Variants in RTN4 observed in about 807,000 individuals in gnomAD.
The protein encoded by RTN4 is reticulon-4.
RTN4 carries 32 observed loss-of-function variants against 90.4 expected under a neutral mutation model. That is an observed-to-expected ratio of 0.35 (90% CI 0.27 to 0.48). RTN4 has a LOEUF of 0.48. RTN4 is among the 20% of genes least tolerant of loss of function. The probability of loss-of-function intolerance (pLI) is 0.99; values close to 1 mark genes in which losing one functional copy is unlikely to be tolerated. For missense variants in RTN4, 1,706 were observed against 1,430.2 expected, an observed-to-expected ratio of 1.19 and a Z score of -3.11; for synonymous variants, 629 against 552.5, an observed-to-expected ratio of 1.14 and a Z score of -1.94.
At chr2:55,102,826 G>A (rs1052538127) in intron 1 of RTN4, among the ~76,000 whole-genome samples, 6 of 152,058 alleles carry the variant, frequency 3.9e-5, no homozygotes, top group African/African-American at 1.2e-4. Context: ...AATCTAAGAA[G>A]TTACTATCGT....
At chr2:55,048,652 C>G (rs1460667703) in intron 1 of RTN4, among the ~76,000 whole-genome samples, 2 of 152,220 alleles carry the variant, frequency 1.3e-5, no homozygotes, top group East Asian at 3.9e-4. Context: ...CTGTCCTTGA[C>G]CTAAACGTCG....
intron 1 of RTN4, among the ~76,000 whole-genome samples, chr2:55,083,407 G>T (rs976109249): frequency 2.0e-5 from 3 of 151,914 alleles, no homozygotes; most frequent in Non-Finnish European, 2.9e-5. Context: ...GAGGCACGAG[G>T]ATTGCTTGAG....
intron 3 of RTN4, among the ~76,000 whole-genome samples, chr2:55,020,432 A>T (rs1158761357): frequency 6.6e-6 from 1 of 151,888 alleles, no homozygotes; most frequent in Non-Finnish European, 1.5e-5. Flanking sequence ...AAAAAAAAAA[A>T]TGCCAAGAAC....
intron 1 of RTN4, among the ~76,000 whole-genome samples, chr2:55,034,265 C>CT (rs1409671229): frequency 2.0e-5 from 3 of 152,112 alleles, no homozygotes; most frequent in Non-Finnish European, 2.9e-5. Context: ...CCGTAGGAGG[C>CT]TGGGGTAGGA....
chr2:55,047,934 C>A (rs773790544), intron 1 of RTN4, among the ~76,000 whole-genome samples: 17 of 151,800 alleles, frequency 1.1e-4, no homozygotes, highest in Non-Finnish European at 2.2e-4. Context: ...CCTCGCTGAA[C>A]AGGGGGAACA....
intron 3 of RTN4, among the ~76,000 whole-genome samples, chr2:54,995,369 T>C (rs1428321708): frequency 6.6e-6 from 1 of 152,134 alleles, no homozygotes. Context: ...GTGATGGTGG[T>C]TGTAGTGGTG....
At chr2:55,013,801 G>C (rs1469040108) in intron 3 of RTN4, among the ~76,000 whole-genome samples, 3 of 152,056 alleles carry the variant, frequency 2.0e-5, no homozygotes, top group African/African-American at 4.8e-5. Flanking sequence ...GAAAAACTCA[G>C]GTTTTTGTTT....
At chr2:55,005,131 T>C (rs1357093920) in intron 3 of RTN4, among the ~76,000 whole-genome samples, 1 of 152,200 alleles carries the variant, frequency 6.6e-6, no homozygotes, top group East Asian at 1.9e-4. Context: ...GGCCATGGAA[T>C]GCCTTTCAAA....
intron 1 of RTN4, among the ~76,000 whole-genome samples, chr2:55,097,070 A>G (rs1336840173): frequency 6.6e-6 from 1 of 151,842 alleles, no homozygotes; most frequent in Non-Finnish European, 1.5e-5. Flanking sequence ...TGATTTCAAT[A>G]AAGAAAAAAG....
At chr2:54,980,641 T>C (rs1377082527) in intron 5 of RTN4, among the ~76,000 whole-genome samples, 2 of 152,112 alleles carry the variant, frequency 1.3e-5, no homozygotes, top group East Asian at 3.9e-4. Context: ...AACAAGCATC[T>C]CTCCTCTCCC....
At chr2:55,099,987 A>G (rs1667824671) in intron 1 of RTN4, among the ~76,000 whole-genome samples, 1 of 152,066 alleles carries the variant, frequency 6.6e-6, no homozygotes, top group Non-Finnish European at 1.5e-5. Flanking sequence ...CATTTTATTC[A>G]TATCTAGTGA....
intron 2 of RTN4, among the ~76,000 whole-genome samples, chr2:55,078,732 T>A (rs1668649001): frequency 6.6e-6 from 1 of 152,174 alleles, no homozygotes; most frequent in African/African-American, 2.4e-5. Context: ...GTTACGTGCT[T>A]TAAAAGCGGG....
At chr2:55,046,060 A>T (rs927585398) in intron 1 of RTN4, among the ~76,000 whole-genome samples, 2 of 152,186 alleles carry the variant, frequency 1.3e-5, no homozygotes, top group African/African-American at 2.4e-5. Context: ...ACAACTTATT[A>T]ACAGATGAAA....
chr2:55,025,569 C>A lies in RTN4; in HGVS notation c.2530G>T (p.Asp844Tyr). 2 of 1,613,612 alleles carry A rather than the reference C, an allele frequency of 1.2e-6. No individual in the cohort carries two copies. Among genetic ancestry groups the A allele is most frequent in the South Asian group, 1.1e-5 (1 of 91,026 alleles). ...ELSTAVYSND[D>Y]LFISKEAQIR... ...TGTGCTTCCTTAGAAATAAATAAGTCATCATTTGAATAAACTGCAGTACTG... is the reference window on the plus strand; with the variant it reads ...TGTGCTTCCTTAGAAATAAATAAGTAATCATTTGAATAAACTGCAGTACTG... Residue 844 changes from aspartate to tyrosine, a missense_variant, in exon 3 of 9, where the codon GAC (aspartate) becomes TAC (tyrosine). Coordinates refer to ENST00000337526, the MANE Select transcript of RTN4 (RefSeq NM_020532.5).
intron 3 of RTN4, among the ~76,000 whole-genome samples, chr2:55,015,442 A>T (rs2104812620): frequency 6.6e-6 from 1 of 152,362 alleles, no homozygotes; most frequent in Non-Finnish European, 1.5e-5. Flanking sequence ...AATGTAAACT[A>T]AAAATCTTTT....
At chr2:55,064,940 T>A (rs1668363673) in intron 2 of RTN4, among the ~76,000 whole-genome samples, 1 of 152,210 alleles carries the variant, frequency 6.6e-6, no homozygotes, top group Non-Finnish European at 1.5e-5. Context: ...AGATTAATAA[T>A]ATAAATTAAT....
chr2:55,071,724 G>C (rs891470017), intron 2 of RTN4, among the ~76,000 whole-genome samples: 4 of 152,100 alleles, frequency 2.6e-5, no homozygotes, highest in Non-Finnish European at 5.9e-5. Context: ...CACTGCCGCA[G>C]TGCCTGTGGT....
chr2:55,097,760 A>G (rs1395784261), intron 1 of RTN4, among the ~76,000 whole-genome samples: 1 of 152,090 alleles, frequency 6.6e-6, no homozygotes, highest in African/African-American at 2.4e-5. Context: ...TGAAATCCAT[A>G]ATGAAGAGCT....
intron 1 of RTN4, among the ~76,000 whole-genome samples, chr2:55,090,419 C>T (rs528134709): frequency 4.2e-4 from 64 of 152,286 alleles, no homozygotes; most frequent in African/African-American, 1.5e-3. Context: ...ATCTTGACTG[C>T]GTATGGACAT....
Sources: gnomAD v4.1 joint callset for allele counts (sites outside exome capture counted in the v4.1 genomes callset) on GRCh38, gnomAD v4.1.1 for gene constraint, MANE v1.5 for transcripts, NCBI Gene and HGNC (gene_info 2026-07-23, HGNC 2026-07-21) for gene names.